The following CADPS2 variants were observed in gnomAD, a reference collection of about 807,000 sequenced individuals.
CADPS2 encodes the protein calcium dependent secretion activator 2, also known as calcium-dependent secretion activator 2.
A neutral mutation model predicts 172.5 loss-of-function variants in CADPS2; 93 were observed. The observed-to-expected ratio is 0.54, with a 90% CI of 0.46 to 0.64. The LOEUF (loss-of-function observed/expected upper bound fraction) is 0.64. Ranked by LOEUF, CADPS2 falls within the 30% of genes least tolerant of loss-of-function variation. CADPS2 has a pLI of 0.00. For missense variants in CADPS2, 1,420 were observed against 1,565.9 expected (o/e 0.91, Z 1.57); for synonymous variants, 546 against 555.2 (o/e 0.98, Z 0.23).
At chr7:122,533,251 A>G (rs1359676418) in intron 8 of CADPS2, among the ~76,000 whole-genome samples, 3 of 152,166 alleles carry the variant, frequency 2.0e-5, no homozygotes, top group Admixed American at 2.0e-4. Flanking sequence ...AATTATTAAT[A>G]TAAAGCAGTA....
At chr7:122,650,398 A>C (rs2079033160) in intron 3 of CADPS2, among the ~76,000 whole-genome samples, 1 of 152,142 alleles carries the variant, frequency 6.6e-6, no homozygotes, top group Non-Finnish European at 1.5e-5. Context: ...GTACTTCAGC[A>C]AAAACACTTT....
intron 11 of CADPS2, among the ~76,000 whole-genome samples, chr7:122,485,691 T>C (rs1475757229): frequency 6.6e-6 from 1 of 152,222 alleles, no homozygotes; most frequent in African/African-American, 2.4e-5. Flanking sequence ...TTGATGAAGT[T>C]AGCTATGCTA....
At chr7:122,778,288 G>A (rs1431751937) in intron 1 of CADPS2, among the ~76,000 whole-genome samples, 6 of 152,132 alleles carry the variant, frequency 3.9e-5, no homozygotes, top group South Asian at 4.1e-4. Flanking sequence ...TAGGGAATCT[G>A]GTGGAAGAAA....
intron 7 of CADPS2, among the ~76,000 whole-genome samples, chr7:122,562,885 T>G (rs1044452534): frequency 6.6e-6 from 1 of 152,234 alleles, no homozygotes; most frequent in East Asian, 1.9e-4. Flanking sequence ...AACTGAAAAA[T>G]TTTTTTAAAG....
intron 1 of CADPS2, among the ~76,000 whole-genome samples, chr7:122,831,236 C>T (rs1157542721): frequency 2.0e-5 from 3 of 152,146 alleles, no homozygotes; most frequent in Non-Finnish European, 4.4e-5. Flanking sequence ...CAACATCACA[C>T]CATCAAGAAA....
intron 1 of CADPS2, among the ~76,000 whole-genome samples, chr7:122,807,404 A>C (rs1799019454): frequency 6.6e-6 from 1 of 152,166 alleles, no homozygotes; most frequent in Non-Finnish European, 1.5e-5. Context: ...TATAATCTGG[A>C]GAGAAATTTT....
intron 14 of CADPS2, among the ~76,000 whole-genome samples, chr7:122,470,187 T>C (rs1405728820): frequency 6.6e-6 from 1 of 152,034 alleles, no homozygotes; most frequent in Non-Finnish European, 1.5e-5. Context: ...ATTGGTAGAA[T>C]ACTATAGAAA....
intron 28 of CADPS2, 32 bp from the exon 29 acceptor site, chr7:122,325,613 G>T: frequency 1.4e-6 from 2 of 1,419,100 alleles, no homozygotes; most frequent in Non-Finnish European, 2.0e-6. Flanking sequence ...CAGGGGAGGA[G>T]AACAAAAAAA....
At chr7:122,569,182 G>C (rs960307041) in intron 7 of CADPS2, among the ~76,000 whole-genome samples, 29 of 152,070 alleles carry the variant, frequency 1.9e-4, no homozygotes, top group African/African-American at 5.1e-4. Flanking sequence ...CTTCAGCAAA[G>C]TCTCAGGATA....
In CADPS2 at chr7:122,839,155, C is replaced by A. The variant is rs557633433; in HGVS notation, c.339+46844G>T. 1.3e-4 allele frequency among the ~76,000 whole-genome samples: 20 copies of A among 152,198 alleles called. No homozygotes were observed. In the East Asian group the frequency reaches 3.7e-3, roughly 28 times the overall value. On this transcript the variant is annotated intron_variant, in intron 1 of 29. Coordinates refer to ENST00000449022, the MANE Select transcript of CADPS2 (RefSeq NM_017954.11). ...CTATAACCATCTGATCTTTGAGAAACCTGACAAAAACAAGAAATGGGGAAA... is the reference window on the plus strand; with the variant it reads ...CTATAACCATCTGATCTTTGAGAAAACTGACAAAAACAAGAAATGGGGAAA...
At chr7:122,637,041 A>T (rs903233686) in intron 3 of CADPS2, among the ~76,000 whole-genome samples, 7 of 142,866 alleles carry the variant, frequency 4.9e-5, no homozygotes, top group South Asian at 2.2e-4. Flanking sequence ...TTATTTTTTT[A>T]AATTGTTTAT....
intron 14 of CADPS2, among the ~76,000 whole-genome samples, chr7:122,463,799 A>G (rs187949511): frequency 7.5e-4 from 114 of 152,340 alleles, no homozygotes; most frequent in African/African-American, 2.5e-3. Flanking sequence ...ACTGCTTTGC[A>G]TGAAGTTCAG....
intron 8 of CADPS2, among the ~76,000 whole-genome samples, chr7:122,546,323 G>GT (rs1472795213): frequency 6.6e-6 from 1 of 152,116 alleles, no homozygotes; most frequent in Non-Finnish European, 1.5e-5. Context: ...CCCCATTCAA[G>GT]TAAGTTCTAG....
At chr7:122,807,519 C>A (rs1366431186) in intron 1 of CADPS2, among the ~76,000 whole-genome samples, 1 of 152,192 alleles carries the variant, frequency 6.6e-6, no homozygotes, top group Non-Finnish European at 1.5e-5. Flanking sequence ...GGTCTGAAAC[C>A]CAGCCTCGGG....
At chr7:122,881,183 C>A (rs2141752486) in intron 1 of CADPS2, among the ~76,000 whole-genome samples, 1 of 152,256 alleles carries the variant, frequency 6.6e-6, no homozygotes, top group South Asian at 2.1e-4. Context: ...ATGAAGAGAG[C>A]TGTTTCCATT....
chr7:122,834,306 G>T (rs956893751), intron 1 of CADPS2, among the ~76,000 whole-genome samples: 2 of 152,148 alleles, frequency 1.3e-5, no homozygotes, highest in African/African-American at 2.4e-5. Flanking sequence ...AAAAAGAAGA[G>T]CCAGGCAGTT....
chr7:122,635,316 C>T (rs951300321), intron 3 of CADPS2, among the ~76,000 whole-genome samples: 21 of 151,264 alleles, frequency 1.4e-4, no homozygotes, highest in African/African-American at 4.6e-4. Context: ...TTTTAGGGTA[C>T]ATGTGCACAA....
chr7:122,679,596 C>T (rs2082799918), intron 2 of CADPS2, among the ~76,000 whole-genome samples: 2 of 151,994 alleles, frequency 1.3e-5, no homozygotes, highest in Non-Finnish European at 2.9e-5. Context: ...TCTCTGTGAC[C>T]CACACCCTAT....
intron 2 of CADPS2, among the ~76,000 whole-genome samples, chr7:122,669,357 T>TATATA (rs66554243): frequency 2.0e-5 from 1 of 49,948 alleles, no homozygotes; most frequent in East Asian, 1.1e-3. Context: ...ATATATATAT[T>TATATA]TTTTTTTTTT....
Sources: gnomAD v4.1 joint callset for allele counts (sites outside exome capture counted in the v4.1 genomes callset) on GRCh38, gnomAD v4.1.1 for gene constraint, MANE v1.5 for transcripts, NCBI Gene and HGNC (gene_info 2026-07-23, HGNC 2026-07-21) for gene names.